The following NDUFAF5 variants were observed in gnomAD, a reference collection of about 807,000 sequenced individuals.
NDUFAF5 encodes the protein NADH:ubiquinone oxidoreductase complex assembly factor 5.
NDUFAF5 carries 34 observed loss-of-function variants against 48.9 expected under a neutral mutation model. The ratio of observed to expected loss-of-function variants is 0.70; its 90% CI spans 0.53 to 0.93. The LOEUF is 0.93. NDUFAF5 is among the 40% of genes least tolerant of loss of function. NDUFAF5 has a pLI of 0.00. For missense variants in NDUFAF5, 428 were observed against 427.5 expected (o/e 1.00, Z -0.01); for synonymous variants, 153 against 150.6 (o/e 1.02, Z -0.12).
chr20:13,810,050 T>A (rs539514166), intron 8 of NDUFAF5, among the ~76,000 whole-genome samples: 1 of 152,336 alleles, frequency 6.6e-6, no homozygotes, highest in Non-Finnish European at 1.5e-5. Context: ...AGAGGTTATG[T>A]CAAGTAGGCA....
intron 3 of NDUFAF5, 67 bp downstream of exon 3, chr20:13,788,719 C>T: frequency 9.6e-7 from 1 of 1,046,904 alleles, no homozygotes; most frequent in Non-Finnish European, 1.5e-6. Context: ...GAAAGACTTT[C>T]CTAATCAGTT....
rs141395605 is a variant in NDUFAF5, at chr20:13,818,200, C to T, written c.*990C>T. 1.5e-5 allele frequency: 7 copies of T among 454,048 alleles called. No individual in the cohort carries two copies. The highest frequency in any genetic ancestry group is 4.0e-5 in the African/African-American group (2 of 50,088). The allele number at this position is 454,048 out of a possible 1,614,324, so 28.1% of individuals were successfully genotyped here. On this transcript the variant is annotated 3_prime_UTR_variant, in exon 11 of 11. Transcript: ENST00000378106. ...GGTGGGGGCTGTGTGTTAGCCTGTA[C>T]GTAGCACATGGGACTTTCCACATAG...
intron 3 of NDUFAF5, among the ~76,000 whole-genome samples, chr20:13,788,958 G>T (rs538943615): frequency 3.6e-4 from 55 of 151,874 alleles, no homozygotes; most frequent in African/African-American, 1.2e-3. Context: ...AATCAGATTG[G>T]CATTCATACA....
At chr20:13,798,577 C>A in intron 6 of NDUFAF5, 77 bp downstream of exon 6, 2 of 1,142,752 alleles carry the variant, frequency 1.8e-6, no homozygotes, top group African/African-American at 1.5e-5. Flanking sequence ...TTTCTATTTT[C>A]ACATACTATT....
chr20:13,797,079 A>G (rs532823097), intron 5 of NDUFAF5, among the ~76,000 whole-genome samples: 2 of 152,296 alleles, frequency 1.3e-5, no homozygotes, highest in Admixed American at 1.3e-4. Context: ...ACCTACTAGA[A>G]TGGCCAAAAT....
At chr20:13,797,443 G>A (rs927138993) in intron 5 of NDUFAF5, among the ~76,000 whole-genome samples, 1 of 152,150 alleles carries the variant, frequency 6.6e-6, no homozygotes, top group Non-Finnish European at 1.5e-5. Flanking sequence ...AAAATATTTG[G>A]AGGAAACTTA....
intron 1 of NDUFAF5, 135 bp downstream of exon 1, chr20:13,785,425 C>T: frequency 1.4e-6 from 1 of 714,318 alleles, no homozygotes; most frequent in East Asian, 2.7e-5. Flanking sequence ...CTCTTTCGGC[C>T]TCTACTGTAA....
intron 7 of NDUFAF5, among the ~76,000 whole-genome samples, chr20:13,803,795 T>C (rs1010366208): frequency 5.9e-5 from 9 of 152,010 alleles, no homozygotes; most frequent in Non-Finnish European, 1.5e-5. Flanking sequence ...TTTAATTTTT[T>C]TTTTGGGGGG....
At chr20:13,785,414 C>T in intron 1 of NDUFAF5, 124 bp downstream of exon 1, 1 of 737,800 alleles carries the variant, frequency 1.4e-6, no homozygotes, top group Admixed American at 2.6e-5. Context: ...AGCAGCCCTG[C>T]CTCTTTCGGC....
intron 7 of NDUFAF5, among the ~76,000 whole-genome samples, chr20:13,805,670 T>C (rs1318879474): frequency 1.3e-5 from 2 of 152,150 alleles, no homozygotes; most frequent in Non-Finnish European, 2.9e-5. Context: ...CAGGCACAGT[T>C]GTTCACTCCC....
intron 7 of NDUFAF5, 57 bp from the exon 8 acceptor site, chr20:13,808,785 A>G (rs1476213897): frequency 8.1e-7 from 1 of 1,241,524 alleles, no homozygotes; most frequent in Non-Finnish European, 1.2e-6. Flanking sequence ...CTCTTTTTTA[A>G]ATCTGGAATT....
chr20:13,818,515 C>T lies in NDUFAF5; in HGVS notation c.*1305C>T, dbSNP rs1367441769. 1 of 334,154 alleles carries T rather than the reference C, an allele frequency of 3.0e-6. No homozygotes were observed. 20.7% of individuals were successfully genotyped at this position (334,154 alleles called of 1,614,324 possible). ...AACAACAAAAAACAAACTGCGCTAGCCAGGTGCAATGGCGCATGCCTGTAG... is the reference window on the plus strand; with the variant it reads ...AACAACAAAAAACAAACTGCGCTAGTCAGGTGCAATGGCGCATGCCTGTAG... On this transcript the variant is annotated 3_prime_UTR_variant, in exon 11 of 11. Transcript: ENST00000378106.
At chr20:13,808,308 A>G (rs900723539) in intron 7 of NDUFAF5, among the ~76,000 whole-genome samples, 2 of 152,178 alleles carry the variant, frequency 1.3e-5, no homozygotes, top group African/African-American at 4.8e-5. Flanking sequence ...TCAGGCTTCA[A>G]AAAGAAGAGG....
At chr20:13,809,781 G>A (rs1244889629) in intron 8 of NDUFAF5, among the ~76,000 whole-genome samples, 1 of 152,198 alleles carries the variant, frequency 6.6e-6, no homozygotes, top group Non-Finnish European at 1.5e-5. Context: ...TACTAAGGTG[G>A]TGGCAATGGA....
At chr20:13,816,120 T>C in intron 8 of NDUFAF5, 1 of 378,724 alleles carries the variant, frequency 2.6e-6, no homozygotes, top group South Asian at 2.2e-5. Context: ...GTGACATCCT[T>C]GGTAAAGTTC....
At chr20:13,805,484 C>G (rs1426949282) in intron 7 of NDUFAF5, among the ~76,000 whole-genome samples, 2 of 152,076 alleles carry the variant, frequency 1.3e-5, no homozygotes, top group Non-Finnish European at 2.9e-5. Flanking sequence ...CCTAATGACT[C>G]ATACTTTAAT....
intron 2 of NDUFAF5, among the ~76,000 whole-genome samples, chr20:13,787,796 G>A (rs181728378): frequency 1.1e-3 from 161 of 152,266 alleles, no homozygotes; most frequent in Non-Finnish European, 2.0e-3. Flanking sequence ...TTTTGACAAA[G>A]CTTTTTAAAA....
chr20:13,792,635 A>C (rs1982461367), intron 3 of NDUFAF5, among the ~76,000 whole-genome samples: 1 of 152,186 alleles, frequency 6.6e-6, no homozygotes, highest in South Asian at 2.1e-4. Context: ...ACACAGACTA[A>C]AGATTGATAG....
chr20:13,808,417 G>A (rs948598407), intron 7 of NDUFAF5, among the ~76,000 whole-genome samples: 1 of 152,106 alleles, frequency 6.6e-6, no homozygotes, highest in Non-Finnish European at 1.5e-5. Flanking sequence ...ACTAGATATA[G>A]AATGAAATAT....
Sources: allele counts gnomAD v4.1 joint callset (sites outside exome capture counted in the v4.1 genomes callset), GRCh38; gene constraint gnomAD v4.1.1; transcripts MANE v1.5; gene names NCBI Gene and HGNC (gene_info 2026-07-23, HGNC 2026-07-21).